Variants in APOOL observed in about 807,000 individuals in gnomAD.
The protein encoded by APOOL is apolipoprotein O like, also known as MICOS complex subunit MIC27.
Under a neutral mutation model 23.1 loss-of-function variants are expected in APOOL, and 12 were observed. That is an observed-to-expected ratio of 0.52 (90% CI 0.33 to 0.84). The LOEUF (loss-of-function observed/expected upper bound fraction) is 0.84, where lower values mean the gene tolerates loss of function less well. APOOL is among the 40% of genes least tolerant of loss of function. The probability of loss-of-function intolerance (pLI) is 0.02; values close to 1 mark genes in which losing one functional copy is unlikely to be tolerated. For missense variants in APOOL, 212 were observed against 199.6 expected (o/e 1.06, Z -0.37); for synonymous variants, 77 against 69.9 (o/e 1.10, Z -0.51).
At chrX:85,069,334 A>G (rs1485214330) in intron 6 of APOOL, among the ~76,000 whole-genome samples, 1 of 111,171 alleles carries the variant, frequency 9.0e-6, no homozygotes, top group Non-Finnish European at 1.9e-5. Context: ...CAAAAATGTT[A>G]AAGCAGCGAG....
chrX:85,004,097 C>A (rs1337146866), intron 1 of APOOL, among the ~76,000 whole-genome samples, 170 bp downstream of exon 1: 1 of 111,418 alleles, frequency 9.0e-6, no homozygotes, highest in Non-Finnish European at 1.9e-5. Context: ...ACCTGCCTTT[C>A]CCCATTAGGG....
chrX:85,045,523 G>A (rs1922546747), intron 1 of APOOL, among the ~76,000 whole-genome samples: 1 of 111,984 alleles, frequency 8.9e-6, no homozygotes, highest in Non-Finnish European at 1.9e-5. Context: ...TGTAAAACAA[G>A]GAGACTGCTT....
chrX:85,014,463 T>G (rs1246256436), intron 1 of APOOL, among the ~76,000 whole-genome samples: 2 of 110,920 alleles, frequency 1.8e-5, no homozygotes, highest in East Asian at 5.6e-4. Context: ...TGAGGTTTTC[T>G]TTCAAGATTT....
chrX:85,087,556 A>G, intron 8 of APOOL, 34 bp from the exon 9 acceptor site: 1 of 1,130,152 alleles, frequency 8.8e-7, no homozygotes, highest in Non-Finnish European at 1.2e-6. Context: ...TTGTTAAGTG[A>G]CTAATTTTTC....
intron 1 of APOOL, among the ~76,000 whole-genome samples, chrX:85,006,694 C>T (rs761284829): frequency 8.9e-6 from 1 of 111,733 alleles, no homozygotes; most frequent in Admixed American, 9.5e-5. Context: ...ATATTGACTA[C>T]GTGCTAGGAA....
At chrX:85,078,439 A>G (rs1469045721) in intron 8 of APOOL, among the ~76,000 whole-genome samples, 1 of 111,192 alleles carries the variant, frequency 9.0e-6, no homozygotes, top group African/African-American at 3.3e-5. Context: ...GTTCTGTTCC[A>G]TTGGTCTATC....
intron 1 of APOOL, among the ~76,000 whole-genome samples, chrX:85,015,069 T>C (rs181833192): frequency 3.6e-5 from 4 of 111,149 alleles, no homozygotes; most frequent in Non-Finnish European, 7.5e-5. Flanking sequence ...GAAAGCCTTG[T>C]CTTCGAGCTC....
chrX:85,084,760 T>C (rs1022869256), intron 8 of APOOL, among the ~76,000 whole-genome samples: 12 of 111,844 alleles, frequency 1.1e-4, no homozygotes, highest in Non-Finnish European at 2.1e-4. Context: ...ATTCAGGAAA[T>C]TGGGGTAAGC....
chrX:85,062,918 A>G (rs1162466538), intron 5 of APOOL, among the ~76,000 whole-genome samples: 1 of 111,779 alleles, frequency 8.9e-6, no homozygotes, highest in African/African-American at 3.2e-5. Flanking sequence ...TGATAACTGA[A>G]TGGGAATAGC....
chrX:85,042,997 A>G (rs1331069022), intron 1 of APOOL, among the ~76,000 whole-genome samples: 2 of 111,799 alleles, frequency 1.8e-5, no homozygotes, highest in African/African-American at 3.3e-5. Context: ...CAGCTACTTT[A>G]TAGAATATAA....
intron 1 of APOOL, among the ~76,000 whole-genome samples, chrX:85,015,378 A>G (rs1346126342): frequency 9.1e-6 from 1 of 110,172 alleles, no homozygotes; most frequent in African/African-American, 3.3e-5. Context: ...TCGTGTGATT[A>G]TTTGGGGGTG....
At position 85,092,185 on chromosome X, in the gene APOOL, C is replaced by A; in HGVS notation, c.*4507C>A. ...TAAATTATCTGCTCTTTTGGATTAT[C>A]ACTACTGCTACTAGCCGTTAGAATA... On this transcript the variant is annotated 3_prime_UTR_variant, in exon 9 of 9. Coordinates refer to ENST00000373173, the MANE Select transcript of APOOL (RefSeq NM_198450.6). 1 of 352,153 alleles carries A rather than the reference C, an allele frequency of 2.8e-6. No individual in the cohort carries two copies. Among genetic ancestry groups the A allele is most frequent in the Non-Finnish European group, 4.9e-6 (1 of 205,991 alleles). The allele number at this position is 352,153 out of a possible 1,213,427, so 29.0% of individuals were successfully genotyped here.
intron 1 of APOOL, among the ~76,000 whole-genome samples, chrX:85,004,797 T>A (rs1222362774): frequency 9.0e-6 from 1 of 111,272 alleles, no homozygotes; most frequent in Admixed American, 9.6e-5. Flanking sequence ...AATTTGATTT[T>A]TGCCTCCCCC....
At chrX:85,023,110 A>T (rs1921726309) in intron 1 of APOOL, among the ~76,000 whole-genome samples, 1 of 111,892 alleles carries the variant, frequency 8.9e-6, no homozygotes, top group Non-Finnish European at 1.9e-5. Flanking sequence ...CCAGTCTCAG[A>T]TATTCCTTCA....
chrX:85,062,990 C>G (rs1489826332), intron 5 of APOOL, among the ~76,000 whole-genome samples: 1 of 111,958 alleles, frequency 8.9e-6, no homozygotes, highest in Admixed American at 9.5e-5. Flanking sequence ...TCTTCCTATC[C>G]ATGAGCATGG....
chrX:85,017,500 C>T (rs1921518020), intron 1 of APOOL, among the ~76,000 whole-genome samples: 1 of 111,666 alleles, frequency 9.0e-6, no homozygotes, highest in Admixed American at 9.5e-5. Flanking sequence ...TTCCTATGCT[C>T]GTATTTGCAG....
At chrX:85,025,935 T>C (rs914371637) in intron 1 of APOOL, among the ~76,000 whole-genome samples, 2 of 112,983 alleles carry the variant, frequency 1.8e-5, no homozygotes, top group Non-Finnish European at 3.7e-5. Context: ...CAGTGCTCTA[T>C]TGGGGACCAA....
chrX:85,035,914 T>C (rs182433131), intron 1 of APOOL, among the ~76,000 whole-genome samples: 1 of 112,367 alleles, frequency 8.9e-6, no homozygotes, highest in East Asian at 2.8e-4. Flanking sequence ...GGAAGTGTGA[T>C]GACACCAGCT....
At chrX:85,041,475 G>A (rs1339199043) in intron 1 of APOOL, among the ~76,000 whole-genome samples, 2 of 111,681 alleles carry the variant, frequency 1.8e-5, no homozygotes, top group Non-Finnish European at 3.8e-5. Flanking sequence ...TCCCAGGCCA[G>A]TGGGCTTTGC....
Sources: gnomAD v4.1 joint callset for allele counts (sites outside exome capture counted in the v4.1 genomes callset) on GRCh38, gnomAD v4.1.1 for gene constraint, MANE v1.5 for transcripts, NCBI Gene and HGNC (gene_info 2026-07-23, HGNC 2026-07-21) for gene names.